Variants in PLXNB2 observed in about 807,000 individuals in gnomAD.
PLXNB2 encodes plexin B2.
PLXNB2 carries 85 observed loss-of-function variants against 202.6 expected under a neutral mutation model. The ratio of observed to expected loss-of-function variants is 0.42; its 90% CI spans 0.35 to 0.50. PLXNB2 has a LOEUF of 0.50. PLXNB2 is among the 20% of genes least tolerant of loss of function. PLXNB2 has a pLI of 0.02. For synonymous variants in PLXNB2, 1,239 were observed against 1,137.6 expected (o/e 1.09, Z -1.79); for missense variants, 2,063 against 2,586.2 (o/e 0.80, Z 4.39).
rs1569166315 is a variant in PLXNB2 at position 50,284,474 on chromosome 22, C to A, written c.2181+99G>T. 3 of 940,724 alleles carry A rather than the reference C, an allele frequency of 3.2e-6. No individual in the cohort carries two copies. Among genetic ancestry groups the A allele is most frequent in the Non-Finnish European group, 4.9e-6 (3 of 606,708 alleles). The allele number at this position is 940,724 out of a possible 1,614,324, so 58.3% of individuals were successfully genotyped here. A position where few individuals can be genotyped will look rare whatever the true frequency, so the allele number is the denominator to read the frequency against. On this transcript the variant is annotated intron_variant, in intron 12 of 36. Transcript: ENST00000359337. The surrounding 1 kb of genome is among the most constrained non-coding windows in gnomAD (Gnocchi z 8.0). ...CTGGCTGGGCTCTGGTCCCTGGGGTCTCCCTGCTGCCCCTCCCCTCACAGT... is the reference window on the plus strand; with the variant it reads ...CTGGCTGGGCTCTGGTCCCTGGGGTATCCCTGCTGCCCCTCCCCTCACAGT...
chr22:50,283,886 A>G lies in PLXNB2; in HGVS notation c.2368T>C (p.Tyr790His), dbSNP rs374465427. Residue 790 changes from tyrosine to histidine, a missense_variant, in exon 14 of 37, where the codon TAT (tyrosine) becomes CAT (histidine). This residue lies in a region of PLXNB2 where 1,303 missense variants were observed against 1,476.8 expected (regional missense o/e 0.88). Transcript: ENST00000359337. ...GAGGTGGTGTTGCACAGGGCCTCAT[A>G]CACGCACCTGCTCTGGCCCCCGCAC... Reference protein sequence around the residue: ...AWCGGQSRCVYEALCNTTSEC... With the variant: ...AWCGGQSRCVHEALCNTTSEC... 2.9e-5 allele frequency: 47 copies of G among 1,602,676 alleles called. No individual in the cohort carries two copies. In the African/African-American group the frequency reaches 5.0e-4, roughly 17 times the overall value.
rs775260302 is a variant in PLXNB2, at chr22:50,284,906, A to G, written c.2089-241T>C. ...TTTCCCACGGCCACCTCCACCACTC[A>G]TCCACACCTGAGAACATCGCCCGGC... is the stretch of plus-strand genomic sequence containing the variant. On this transcript the variant is annotated intron_variant, in intron 11 of 36. Coordinates refer to ENST00000359337, the MANE Select transcript of PLXNB2 (RefSeq NM_012401.4). The surrounding 1 kb of genome is among the most constrained non-coding windows in gnomAD (Gnocchi z 8.0). 37 of 632,866 alleles carry G rather than the reference A, an allele frequency of 5.8e-5. 1 individual carries two copies. Among genetic ancestry groups the G allele is most frequent in the South Asian group, 5.4e-4 (36 of 66,118 alleles). The allele number at this position is 632,866 out of a possible 1,614,324, so 39.2% of individuals were successfully genotyped here.
At chr22:50,286,139 G>A (rs2066440331) in intron 9 of PLXNB2, 34 bp downstream of exon 9, 2 of 1,609,908 alleles carry the variant, frequency 1.2e-6, no homozygotes, top group Non-Finnish European at 1.7e-6. Context: ...GGGGTGGACG[G>A]GCAGGGTGGG....
chr22:50,306,569 G>A (rs1044461555), intron 1 of PLXNB2, among the ~76,000 whole-genome samples: 22 of 137,392 alleles, frequency 1.6e-4, no homozygotes, highest in Non-Finnish European at 2.7e-4. Context: ...AGGCTGCGCC[G>A]AACCTCCAAG....
In PLXNB2 at chr22:50,291,972, C is replaced by A. The variant is rs2066900114; in HGVS notation, c.-13-1375G>T. 6.6e-6 allele frequency among the ~76,000 whole-genome samples: 1 copy of A among 152,264 alleles called. No homozygotes were observed. Among genetic ancestry groups the A allele is most frequent in the South Asian group, 2.1e-4 (1 of 4,834 alleles). ...CTCCAGAGGGACTGCCACATCCTCT[C>A]AGGCCACCACAAGTGTCACCTCCCT... is the stretch of plus-strand genomic sequence containing the variant. On this transcript the variant is annotated intron_variant, in intron 2 of 36. Coordinates refer to ENST00000359337, the MANE Select transcript of PLXNB2 (RefSeq NM_012401.4). The surrounding 1 kb of genome is among the most constrained non-coding windows in gnomAD (Gnocchi z 4.3).
chr22:50,290,033 G>A lies in PLXNB2; in HGVS notation c.552C>T (p.Ser184=), dbSNP rs369704345. 6.2e-7 allele frequency: 1 copy of A among 1,613,460 alleles called. No individual in the cohort carries two copies. The highest frequency in any genetic ancestry group is 8.5e-7 in the Non-Finnish European group (1 of 1,180,032). The change falls in exon 3 of 37, where the codon AGC becomes AGT. Residue 184 remains serine (S), a synonymous_variant. Coordinates refer to ENST00000359337, the MANE Select transcript of PLXNB2 (RefSeq NM_012401.4). The stretch of plus-strand genomic sequence containing the variant: ...TGTCAGTCCGGTCCAACAGCCGAGT[G>A]CTCACGATGATGCCGTTGTCGTGTG... ...NGPHDNGIIV[S]TRLLDRTDSR...
intron 35 of PLXNB2, among the ~76,000 whole-genome samples, 200 bp downstream of exon 35, chr22:50,276,429 C>CGTGGA (rs1158624725): frequency 2.3e-4 from 10 of 44,374 alleles, no homozygotes; most frequent in East Asian, 6.3e-4. Flanking sequence ...TGGGCAGGGC[C>CGTGGA]TGGCTCCAAG....
chr22:50,283,717 T>C lies in PLXNB2; in HGVS notation c.2455A>G (p.Ile819Val), dbSNP rs781408320. The change falls in exon 15 of 37, where the codon ATC (isoleucine) becomes GTC (valine). Residue 819 changes from isoleucine to valine, a missense_variant. Ile to Val is a conservative substitution (Grantham distance 29). Transcript: ENST00000359337. ...QPETGPLGGG[I>V]RITILGSNLG... ...TTGGACCCCAGGATGGTGATGCGGA[T>C]GCCCCCACCCAGGGGGCCCGTCTCA... The C allele has an allele frequency of 1.9e-6, 3 of 1,612,972 alleles. No individual in the cohort carries two copies. The highest frequency in any genetic ancestry group is 1.1e-5 in the South Asian group (1 of 91,054).
Position 50,284,087 on chromosome 22 carries a change from C to T in PLXNB2, c.2263+45G>A. ...CTGTCCCCCCACCCACCGCCTTGTGCCCACCCGTCCCCTGCCCGCCCCCCA... is the reference window on the plus strand; with the variant it reads ...CTGTCCCCCCACCCACCGCCTTGTGTCCACCCGTCCCCTGCCCGCCCCCCA... On this transcript the variant is annotated intron_variant, in intron 13 of 36. Coordinates refer to ENST00000359337, the MANE Select transcript of PLXNB2 (RefSeq NM_012401.4). This position sits in a 1 kb window ranked among gnomAD's most constrained non-coding sequence, Gnocchi z 8.0. 1.2e-6 allele frequency: 1 copy of T among 842,942 alleles called. No homozygotes were observed. The highest frequency in any genetic ancestry group is 1.4e-5 in the South Asian group (1 of 71,796). The allele number at this position is 842,942 out of a possible 1,614,324, so 52.2% of individuals were successfully genotyped here. A position where few individuals can be genotyped will look rare whatever the true frequency, so the allele number is the denominator to read the frequency against.
chr22:50,282,684 AG>A, intron 18 of PLXNB2, 26 bp downstream of exon 18: 5 of 1,524,618 alleles, frequency 3.3e-6, no homozygotes, highest in Admixed American at 1.8e-5. Flanking sequence ...TGGGGAGCAG[AG>A]GGGGGCGGGG....
chr22:50,279,077 A>C, intron 27 of PLXNB2, 66 bp from the exon 28 acceptor site: 3 of 1,463,952 alleles, frequency 2.0e-6, no homozygotes, highest in Non-Finnish European at 2.7e-6. Context: ...TGCAGGAGCC[A>C]CTCCCTGCCC....
At position 50,284,677 on chromosome 22, in the gene PLXNB2, G is replaced by A. The variant is rs1028286982; in HGVS notation, c.2089-12C>T. 3.7e-6 allele frequency: 6 copies of A among 1,606,790 alleles called. No homozygotes were observed. Among genetic ancestry groups the A allele is most frequent in the Non-Finnish European group, 5.1e-6 (6 of 1,174,576 alleles). On this transcript the variant is annotated splice_polypyrimidine_tract_variant and intron_variant, in intron 11 of 36. Transcript: ENST00000359337. The surrounding 1 kb of genome is among the most constrained non-coding windows in gnomAD (Gnocchi z 8.0). ...TGCAGGGAGGAACCCTGCAGACCAT[G>A]CCGTCAGGACCCTGGACAGGCGGCT...
At chr22:50,301,358 T>A in intron 1 of PLXNB2, 1 of 982,844 alleles carries the variant, frequency 1.0e-6, no homozygotes, top group African/African-American at 1.7e-5. Context: ...GATGTCTCCG[T>A]GCTTCCTGAG....
At position 50,281,890 on chromosome 22, in the gene PLXNB2, G is replaced by A. The variant is rs79484015; in HGVS notation, c.3309C>T (p.Gly1103=). The change falls in exon 20 of 37, where the codon GGC becomes GGT. Residue 1103 remains glycine (G), a synonymous_variant. Transcript: ENST00000359337. The part of the protein sequence containing the change: ...PDPTFENFTG[G]VKKQVNKLIH... ...TGAGCTTGTTGACCTGCTTCTTGAC[G>A]CCACCTGTGAAGTTCTCAAAGGTGG... is the stretch of plus-strand genomic sequence containing the variant. 2.9e-3 allele frequency: 4,603 copies of A among 1,612,874 alleles called. 135 individuals carry two copies. In the African/African-American group the frequency reaches 0.054, roughly 19 times the overall value.
Position 50,278,979 on chromosome 22 carries a change from C to G in PLXNB2, c.4422G>C (p.Val1474=). The G allele has an allele frequency of 6.2e-7, 1 of 1,613,138 alleles. No individual in the cohort carries two copies. The highest frequency in any genetic ancestry group is 8.5e-7 in the Non-Finnish European group (1 of 1,179,534). ...TGAGGACCTTCACCGGGATGGCGTCCACTCCCTCGTCCTGCACGATCACGC... is the reference window on the plus strand; with the variant it reads ...TGAGGACCTTCACCGGGATGGCGTCGACTCCCTCGTCCTGCACGATCACGC... The part of the protein sequence containing the change: ...TVSVIVQDEG[V]DAIPVKVLNC... The change falls in exon 28 of 37, where the codon GTG becomes GTC. Residue 1474 remains valine, a synonymous_variant. Transcript: ENST00000359337.
rs764910604 is a variant in PLXNB2, at chr22:50,281,100, T to C, written c.3752A>G (p.Lys1251Arg). ...LEESVRDRCK[K>R]EFTDLMIEME... is the part of the protein sequence containing the mutation. ...CAAGCGGTCCCTACCTGTGAATTCCTTCTTGCAGCGGTCCCGCACGCTCTC... is the reference window on the plus strand; with the variant it reads ...CAAGCGGTCCCTACCTGTGAATTCCCTCTTGCAGCGGTCCCGCACGCTCTC... Residue 1251 changes from lysine (K) to arginine (R), a missense_variant, in exon 23 of 37, where the codon AAG becomes AGG. Transcript: ENST00000359337. 1.2e-6 allele frequency: 2 copies of C among 1,613,104 alleles called. No homozygotes were observed. The highest frequency in any genetic ancestry group is 4.5e-5 in the East Asian group (2 of 44,864).
chr22:50,287,627 G>A (rs1301362621), intron 7 of PLXNB2, 40 bp downstream of exon 7: 1 of 1,516,820 alleles, frequency 6.6e-7, no homozygotes, highest in Non-Finnish European at 8.8e-7. Flanking sequence ...ACCTGGCCCG[G>A]CCTGGGGCCC....
chr22:50,282,088 G>C lies in PLXNB2; in HGVS notation c.3118-7C>G. Reference sequence around the variant, plus strand: ...CGTAGTCTGTACCCACCACCTGCAGGCAAGTCCCAGCTGTCAGCCCCCGGG... The same window carrying C: ...CGTAGTCTGTACCCACCACCTGCAGCCAAGTCCCAGCTGTCAGCCCCCGGG... On this transcript the variant is annotated splice_region_variant and splice_polypyrimidine_tract_variant and intron_variant, in intron 19 of 36. Coordinates refer to ENST00000359337, the MANE Select transcript of PLXNB2 (RefSeq NM_012401.4). The C allele has an allele frequency of 3.1e-6, 5 of 1,608,524 alleles. No individual in the cohort carries two copies. Among genetic ancestry groups the C allele is most frequent in the Non-Finnish European group, 4.2e-6 (5 of 1,178,544 alleles).
At chr22:50,290,929 C>G (rs745480446) in intron 2 of PLXNB2, among the ~76,000 whole-genome samples, 3 of 152,172 alleles carry the variant, frequency 2.0e-5, no homozygotes, top group Non-Finnish European at 4.4e-5. Context: ...CAGAAAGGCT[C>G]TCAAGTGCTC....
Sources: allele counts gnomAD v4.1 joint callset (sites outside exome capture counted in the v4.1 genomes callset), GRCh38; gene constraint gnomAD v4.1.1; regional missense constraint gnomAD v4.1.1; non-coding constraint Gnocchi (gnomAD v3.1); transcripts MANE v1.5; gene names NCBI Gene and HGNC (gene_info 2026-07-23, HGNC 2026-07-21).